The following TJP3 variants were observed in gnomAD, a reference collection of about 807,000 sequenced individuals.
TJP3 encodes the protein tight junction protein ZO-3.
Under a neutral mutation model 104.2 loss-of-function variants are expected in TJP3, and 85 were observed. That is an observed-to-expected ratio of 0.82 (90% CI 0.68 to 0.98). TJP3 has a LOEUF of 0.98. TJP3 is among the 50% of genes least tolerant of loss of function. The probability of loss-of-function intolerance (pLI) is 0.00; values close to 1 mark genes in which losing one functional copy is unlikely to be tolerated. For synonymous variants in TJP3, 550 were observed against 550.6 expected (o/e 1.00, Z 0.02); for missense variants, 1,367 against 1,322.8 (o/e 1.03, Z -0.52).
At chr19:3,720,248 C>T (rs1422843320) in intron 1 of TJP3, among the ~76,000 whole-genome samples, 1 of 152,154 alleles carries the variant, frequency 6.6e-6, no homozygotes, top group Admixed American at 6.6e-5. Context: ...ATGCTTTATT[C>T]GGGCCCTTGG....
intron 7 of TJP3, 29 bp from the exon 8 acceptor site, chr19:3,734,298 G>A (rs762176022): frequency 1.2e-6 from 2 of 1,610,818 alleles, no homozygotes; most frequent in Non-Finnish European, 1.7e-6. Context: ...GCGTGACCAT[G>A]GCTGATGAGA....
In TJP3 at chr19:3,730,692, G is replaced by T; in HGVS notation, c.599G>T (p.Arg200Met). The change falls in exon 5 of 21, where the codon AGG (arginine) becomes ATG (methionine). Residue 200 changes from arginine (R) to methionine (M), a missense_variant. Physicochemically the swap from Arg to Met is moderately conservative, Grantham distance 91. Coordinates refer to ENST00000541714, the MANE Select transcript of TJP3 (RefSeq NM_001267560.2). This position sits in a 1 kb window ranked among gnomAD's most constrained non-coding sequence, Gnocchi z 7.3. ...MKPVKSVLVK[R>M]RDSEEFGVKL... ...CCTGTGAAGTCAGTGCTGGTGAAGAGGAGAGACAGCGAAGGTCAGAAGAGG... is the reference window on the plus strand; with the variant it reads ...CCTGTGAAGTCAGTGCTGGTGAAGATGAGAGACAGCGAAGGTCAGAAGAGG... The T allele has an allele frequency of 6.2e-7, 1 of 1,608,060 alleles. No homozygotes were observed. Among genetic ancestry groups the T allele is most frequent in the South Asian group, 1.1e-5 (1 of 91,068 alleles).
chr19:3,736,301 G>C lies in TJP3; in HGVS notation c.1264G>C (p.Glu422Gln), dbSNP rs1228965102. The change falls in exon 11 of 21, where the codon GAG (glutamate) becomes CAG (glutamine). Residue 422 changes from glutamate (E) to glutamine (Q), a missense_variant. Physicochemically the swap from Glu to Gln is conservative, Grantham distance 29. Coordinates refer to ENST00000541714, the MANE Select transcript of TJP3 (RefSeq NM_001267560.2). ...CCCGGCCGACGGGCAGGGCATCCAG[G>C]AGGGAGATCAGATTCTGCAGGTGCT... Reference protein sequence around the residue: ...GSPADGQGIQEGDQILQVNDV... With the variant: ...GSPADGQGIQQGDQILQVNDV... 5.2e-6 allele frequency: 8 copies of C among 1,534,606 alleles called. No homozygotes were observed. In the South Asian group the frequency reaches 7.7e-5, roughly 15 times the overall value.
chr19:3,738,941 A>G lies in TJP3; in HGVS notation c.1438A>G (p.Ile480Val). ...VQSRVGDSFY[I>V]RTHFELEPSP... ...GTCCCGCGTGGGTGACTCCTTCTAC[A>G]TCCGCACTCACTTTGAGCTGGAGCC... The change falls in exon 13 of 21, where the codon ATC becomes GTC. Residue 480 changes from isoleucine to valine, a missense_variant. By Grantham distance (29) the Ile-to-Val change is conservative. Transcript: ENST00000541714. 2 of 1,612,572 alleles carry G rather than the reference A, an allele frequency of 1.2e-6. No individual in the cohort carries two copies. Among genetic ancestry groups the G allele is most frequent in the Non-Finnish European group, 1.7e-6 (2 of 1,179,420 alleles).
chr19:3,720,746 A>T (rs748889174), intron 1 of TJP3, among the ~76,000 whole-genome samples: 1 of 151,782 alleles, frequency 6.6e-6, no homozygotes, highest in Non-Finnish European at 1.5e-5. Flanking sequence ...CCGGAATCCC[A>T]GGCCCCTGAG....
intron 14 of TJP3, among the ~76,000 whole-genome samples, chr19:3,743,331 G>A (rs910498611): frequency 6.6e-6 from 1 of 152,150 alleles, no homozygotes; most frequent in Non-Finnish European, 1.5e-5. Context: ...CAAAGACCCT[G>A]GGCTACCACT....
chr19:3,726,558 C>G (rs1203395609), intron 1 of TJP3, among the ~76,000 whole-genome samples: 1 of 151,322 alleles, frequency 6.6e-6, no homozygotes, highest in Non-Finnish European at 1.5e-5. Context: ...AAGTTGGCAC[C>G]ATTGCACTCC....
Position 3,730,522 on chromosome 19 carries a change from C to G in TJP3, c.429C>G (p.Asp143Glu). 1 of 1,592,564 alleles carries G rather than the reference C, an allele frequency of 6.3e-7. No homozygotes were observed. Among genetic ancestry groups the G allele is most frequent in the Non-Finnish European group, 8.5e-7 (1 of 1,172,002 alleles). ...DSSSGSGRSW[D>E]ERSRRPRPGR... ...CCAGTGGCTCCGGCCGCTCCTGGGA[C>G]GAGCGCTCCCGCCGGCCGAGGCCTG... The change falls in exon 5 of 21, where the codon GAC becomes GAG. Residue 143 changes from aspartate to glutamate, a missense_variant. Asp to Glu is a conservative substitution (Grantham distance 45). Coordinates refer to ENST00000541714, the MANE Select transcript of TJP3 (RefSeq NM_001267560.2). This position sits in a 1 kb window ranked among gnomAD's most constrained non-coding sequence, Gnocchi z 7.3.
In TJP3 at chr19:3,750,183, C is replaced by A; in HGVS notation, c.2656C>A (p.Arg886=). The A allele has an allele frequency of 1.2e-6, 2 of 1,606,022 alleles. No individual in the cohort carries two copies. The highest frequency in any genetic ancestry group is 1.7e-6 in the Non-Finnish European group (2 of 1,177,674). Residue 886 remains arginine (R), a splice_region_variant and synonymous_variant, in exon 20 of 21, where the codon CGA becomes AGA. Transcript: ENST00000541714. ...PQGQWRQDSM[R]TYEREALKKK... ...GGGACAGTGGCGACAGGACAGCATGCGGTAAGAACCCCATATTCCAGATTG... is the reference window on the plus strand; with the variant it reads ...GGGACAGTGGCGACAGGACAGCATGAGGTAAGAACCCCATATTCCAGATTG...
chr19:3,738,602 G>C lies in TJP3; in HGVS notation c.1332G>C (p.Gln444His). The change falls in exon 12 of 21, where the codon CAG becomes CAC. Residue 444 changes from glutamine (Q) to histidine (H), a missense_variant. Physicochemically the swap from Gln to His is conservative, Grantham distance 24. Coordinates refer to ENST00000541714, the MANE Select transcript of TJP3 (RefSeq NM_001267560.2). ...ACCTGACACGGGAGGAGGCAGTGCA[G>C]TTCCTGCTGGGGCTGCCACCAGGCG... ...FQNLTREEAV[Q>H]FLLGLPPGEE... is the part of the protein sequence containing the mutation. The C allele has an allele frequency of 1.9e-6, 3 of 1,614,014 alleles. No individual in the cohort carries two copies. Among genetic ancestry groups the C allele is most frequent in the Non-Finnish European group, 2.5e-6 (3 of 1,179,998 alleles).
intron 1 of TJP3, among the ~76,000 whole-genome samples, chr19:3,724,356 C>G (rs2036576372): frequency 6.6e-6 from 1 of 152,130 alleles, no homozygotes; most frequent in Non-Finnish European, 1.5e-5. Context: ...CCACCACGCC[C>G]TGCTAATTTT....
chr19:3,750,104 G>A (rs1190286105), intron 19 of TJP3, 34 bp from the exon 20 acceptor site: 1 of 1,613,860 alleles, frequency 6.2e-7, no homozygotes, highest in South Asian at 1.1e-5. Context: ...GCTCTGGGGG[G>A]AGTTTTGAAG....
intron 1 of TJP3, among the ~76,000 whole-genome samples, chr19:3,712,895 A>T (rs575711553): frequency 6.6e-6 from 1 of 151,262 alleles, no homozygotes; most frequent in Admixed American, 6.6e-5. Flanking sequence ...GGCTGCAGTG[A>T]GCTATGATTG....
In TJP3 at chr19:3,747,888, A is replaced by C. The variant is rs759974393; in HGVS notation, c.2417A>C (p.Asp806Ala). ...DLSCDSRVNS[D>A]YETDGEGGAY... is the part of the protein sequence containing the mutation. ...AGCTGCGACAGCCGCGTTAACAGCG[A>C]CTACGAGACGGACGGCGAGGGCGGC... Residue 806 changes from aspartate (D) to alanine (A), a missense_variant, in exon 19 of 21, where the codon GAC becomes GCC. Transcript: ENST00000541714. 1.2e-6 allele frequency: 2 copies of C among 1,613,262 alleles called. No individual in the cohort carries two copies. The highest frequency in any genetic ancestry group is 1.7e-6 in the Non-Finnish European group (2 of 1,179,944).
chr19:3,744,521 A>G (rs569179502), intron 15 of TJP3, among the ~76,000 whole-genome samples: 9 of 151,952 alleles, frequency 5.9e-5, no homozygotes, highest in African/African-American at 1.9e-4. Flanking sequence ...AAAATTAGCT[A>G]GGTGTGGTGG....
rs762664145 is a variant in TJP3, at chr19:3,738,624, G to A, written c.1354G>A (p.Gly452Ser). 6.2e-7 allele frequency: 1 copy of A among 1,613,964 alleles called. No homozygotes were observed. The highest frequency in any genetic ancestry group is 1.7e-5 in the Admixed American group (1 of 60,024). ...AVQFLLGLPP[G>S]EEMELVTQRK... is the part of the protein sequence containing the mutation. ...GCAGTTCCTGCTGGGGCTGCCACCA[G>A]GCGAGGAGATGGAGCTGGTGACGCA... The change falls in exon 12 of 21, where the codon GGC (glycine) becomes AGC (serine). Residue 452 changes from glycine to serine, a missense_variant. Coordinates refer to ENST00000541714, the MANE Select transcript of TJP3 (RefSeq NM_001267560.2).
In TJP3 at chr19:3,750,779, G is replaced by A. The variant is rs570389483; in HGVS notation, c.*95G>A. The A allele has an allele frequency of 1.2e-4, 140 of 1,143,768 alleles. No individual in the cohort carries two copies. The highest frequency in any genetic ancestry group is 1.2e-3 in the African/African-American group (78 of 64,824). The allele number at this position is 1,143,768 out of a possible 1,614,324, so 70.9% of individuals were successfully genotyped here. A position where few individuals can be genotyped will look rare whatever the true frequency, so the allele number is the denominator to read the frequency against. On this transcript the variant is annotated 3_prime_UTR_variant, in exon 21 of 21. Coordinates refer to ENST00000541714, the MANE Select transcript of TJP3 (RefSeq NM_001267560.2). Reference sequence around the variant, plus strand: ...AGAACCCACAACCTTACCTCCCTCCGCCTGGTCTTTAATAAACAGAGTATT... The same window carrying A: ...AGAACCCACAACCTTACCTCCCTCCACCTGGTCTTTAATAAACAGAGTATT...
intron 11 of TJP3, 22 bp from the exon 12 acceptor site, chr19:3,738,533 A>G (rs1298389999): frequency 6.2e-7 from 1 of 1,605,552 alleles, no homozygotes; most frequent in Non-Finnish European, 8.5e-7. Context: ...CTTTTTCTAT[A>G]GCTGCACTTG....
rs745695710 is a variant in TJP3 at position 3,746,739 on chromosome 19, TGA to T, written c.2222-35_2222-34del. ...CAGGGTAGGCGGGTGGGCCCCAGCC[TGA>T]GTCTCCTGCACACACTGACGTCCCC... On this transcript the variant is annotated intron_variant, in intron 17 of 20. Transcript: ENST00000541714. This position sits in a 1 kb window ranked among gnomAD's most constrained non-coding sequence, Gnocchi z 4.1. 18 of 1,599,458 alleles carry T rather than the reference TGA, an allele frequency of 1.1e-5. No individual in the cohort carries two copies. The East Asian group carries it at 2.0e-4, about 18-fold the overall frequency.
Sources: gnomAD v4.1 joint callset for allele counts (sites outside exome capture counted in the v4.1 genomes callset) on GRCh38, gnomAD v4.1.1 for gene constraint, Gnocchi (gnomAD v3.1) non-coding constraint, MANE v1.5 for transcripts, NCBI Gene and HGNC (gene_info 2026-07-23, HGNC 2026-07-21) for gene names.